Variants in RFX7 observed in about 807,000 individuals in gnomAD.
RFX7 encodes regulatory factor X7, also known as DNA-binding protein RFX7.
In RFX7, 26 loss-of-function variants were observed where a neutral mutation model predicts 111.8. The ratio of observed to expected loss-of-function variants is 0.23; its 90% confidence interval spans 0.17 to 0.32. The LOEUF is 0.32. RFX7 is among the 10% of genes least tolerant of loss of function. The pLI, the probability that RFX7 is intolerant of heterozygous loss-of-function variation, is 1.00. For missense variants in RFX7, 1,573 were observed against 1,772.9 expected, an observed-to-expected ratio of 0.89 and a Z score of 2.02; for synonymous variants, 624 against 624.4, an observed-to-expected ratio of 1.00 and a Z score of 0.01.
At chr15:56,167,588 AGTTT>A (rs2042798122) in intron 3 of RFX7, among the ~76,000 whole-genome samples, 1 of 152,256 alleles carries the variant, frequency 6.6e-6, no homozygotes, top group Non-Finnish European at 1.5e-5. Flanking sequence ...TAAGAAATTT[AGTTT>A]AAGATATGCT....
At position 56,142,804 on chromosome 15, in the gene RFX7, G is replaced by C; in HGVS notation, c.375C>G (p.Pro125=). The C allele has an allele frequency of 6.2e-7, 1 of 1,613,064 alleles. No individual in the cohort carries two copies. Among genetic ancestry groups the C allele is most frequent in the Non-Finnish European group, 8.5e-7 (1 of 1,179,378 alleles). The change falls in exon 5 of 10, where the codon CCC becomes CCG. Residue 125 remains proline, a synonymous_variant. Coordinates refer to ENST00000559447, the MANE Select transcript of RFX7 (RefSeq NM_022841.7). The part of the protein sequence containing the change: ...TLEEHPETSL[P]KQEVYDEYKS... Reference sequence around the variant, plus strand: ...TGTACTCATCATAGACTTCCTGTTTGGGCAGTGAAGTCTCCGGATGTTCCT... The same window carrying C: ...TGTACTCATCATAGACTTCCTGTTTCGGCAGTGAAGTCTCCGGATGTTCCT...
intron 2 of RFX7, among the ~76,000 whole-genome samples, chr15:56,193,965 T>C (rs1254599435): frequency 6.6e-6 from 1 of 152,140 alleles, no homozygotes; most frequent in Non-Finnish European, 1.5e-5. Context: ...AACATTTCCC[T>C]TTATTCAAAT....
intron 2 of RFX7, among the ~76,000 whole-genome samples, chr15:56,187,221 T>C (rs1408113410): frequency 2.0e-5 from 3 of 151,832 alleles, no homozygotes; most frequent in African/African-American, 7.3e-5. Context: ...ATTTTTTTTT[T>C]TTTTTTTTAG....
intron 5 of RFX7, among the ~76,000 whole-genome samples, chr15:56,127,206 T>A (rs1218503925): frequency 6.6e-6 from 1 of 151,906 alleles, no homozygotes; most frequent in African/African-American, 2.4e-5. Flanking sequence ...TTCACAAGTA[T>A]GTGAAAATTA....
intron 3 of RFX7, among the ~76,000 whole-genome samples, chr15:56,173,277 T>A (rs762554623): frequency 5.9e-5 from 9 of 152,216 alleles, no homozygotes; most frequent in Non-Finnish European, 1.2e-4. Context: ...GATCTACAAG[T>A]GGCTGACACA....
chr15:56,210,897 G>C (rs1368484005), intron 2 of RFX7, among the ~76,000 whole-genome samples: 1 of 151,862 alleles, frequency 6.6e-6, no homozygotes, highest in African/African-American at 2.4e-5. Flanking sequence ...GGAAAAGAAG[G>C]CTTAAAAAAG....
At position 56,224,467 on chromosome 15, in the gene RFX7, T is replaced by TTGTGTGTGTGTGTGTGTGTGTG. The variant is rs58795247; in HGVS notation, c.161+18636_161+18657dup. Among the ~76,000 whole-genome samples, 191 of 147,306 alleles carry TTGTGTGTGTGTGTGTGTGTGTG rather than the reference T, an allele frequency of 1.3e-3. 1 individual carries two copies. The East Asian group carries it at 0.019, about 14-fold the overall frequency. ...ACTCTCTTTTGCCAAGATTAGGATT[T>TTGTGTGTGTGTGTGTGTGTGTG]TGTGTGTGTGTGTGTGTGTGTGTGT... On this transcript the variant is annotated intron_variant, in intron 2 of 9. Transcript: ENST00000559447.
rs191244812 is a variant in RFX7, at chr15:56,102,634, A to G, written c.519-381T>C. ...AGCCCAGGGCTCTGGGACAAAAACA[A>G]CTCTTAAGAGTGTCACAAGGGCTTT... On this transcript the variant is annotated intron_variant, in intron 6 of 9. Transcript: ENST00000559447. Among the ~76,000 whole-genome samples, 37 of 152,240 alleles carry G rather than the reference A, an allele frequency of 2.4e-4. No individual in the cohort carries two copies. In the East Asian group the frequency reaches 5.0e-3, roughly 21 times the overall value.
intron 2 of RFX7, among the ~76,000 whole-genome samples, chr15:56,223,750 T>C (rs1164279327): frequency 6.6e-6 from 1 of 152,186 alleles, no homozygotes; most frequent in East Asian, 1.9e-4. Flanking sequence ...TGTAACATCT[T>C]TCAAGACCAT....
chr15:56,237,945 A>C (rs1316255851), intron 2 of RFX7, among the ~76,000 whole-genome samples: 2 of 152,174 alleles, frequency 1.3e-5, no homozygotes, highest in African/African-American at 4.8e-5. Flanking sequence ...GGCTAAACTC[A>C]GGGTAGGTAG....
chr15:56,209,804 A>C (rs1245971501), intron 2 of RFX7, among the ~76,000 whole-genome samples: 1 of 152,060 alleles, frequency 6.6e-6, no homozygotes, highest in Non-Finnish European at 1.5e-5. Context: ...ACACTAAAAA[A>C]CGCAAAGAAA....
intron 3 of RFX7, among the ~76,000 whole-genome samples, chr15:56,148,222 A>C (rs2042512239): frequency 6.6e-6 from 1 of 152,210 alleles, no homozygotes; most frequent in South Asian, 2.1e-4. Flanking sequence ...CATTCCAGGA[A>C]ACAATTTTGG....
chr15:56,103,681 A>C lies in RFX7; in HGVS notation c.402-11T>G. On this transcript the variant is annotated splice_polypyrimidine_tract_variant and intron_variant, in intron 5 of 9. Transcript: ENST00000559447. Reference sequence around the variant, plus strand: ...TTGTCACAATAGCTCCTGCAAAAGAAGGAAGGACCAATTTAGAGTGACAGA... The same window carrying C: ...TTGTCACAATAGCTCCTGCAAAAGACGGAAGGACCAATTTAGAGTGACAGA... 1 of 1,499,560 alleles carries C rather than the reference A, an allele frequency of 6.7e-7. No individual in the cohort carries two copies. Among genetic ancestry groups the C allele is most frequent in the Non-Finnish European group, 9.2e-7 (1 of 1,091,314 alleles). 92.9% of individuals were successfully genotyped at this position (1,499,560 alleles called of 1,614,324 possible). A position where few individuals can be genotyped will look rare whatever the true frequency, so the allele number is the denominator to read the frequency against.
At chr15:56,097,567 A>G (rs2041695828) in intron 9 of RFX7, among the ~76,000 whole-genome samples, 7 of 151,968 alleles carry the variant, frequency 4.6e-5, no homozygotes, top group Admixed American at 4.6e-4. Flanking sequence ...AGCCTGGCCA[A>G]CTAAAAATAC....
chr15:56,171,940 A>G (rs2042849706), intron 3 of RFX7, among the ~76,000 whole-genome samples: 1 of 152,214 alleles, frequency 6.6e-6, no homozygotes, highest in East Asian at 1.9e-4. Context: ...AGATGAGATT[A>G]TTTTGGACAA....
At chr15:56,153,295 G>T (rs909205610) in intron 3 of RFX7, among the ~76,000 whole-genome samples, 1 of 152,146 alleles carries the variant, frequency 6.6e-6, no homozygotes, top group East Asian at 1.9e-4. Context: ...GATGAACATC[G>T]ATGTGAAAAC....
chr15:56,134,170 G>C (rs2042257422), intron 5 of RFX7, among the ~76,000 whole-genome samples: 1 of 152,048 alleles, frequency 6.6e-6, no homozygotes, highest in Non-Finnish European at 1.5e-5. Context: ...TCTTAGATCT[G>C]CCCCTCACTA....
At chr15:56,172,667 C>A (rs2042857990) in intron 3 of RFX7, among the ~76,000 whole-genome samples, 1 of 152,078 alleles carries the variant, frequency 6.6e-6, no homozygotes, top group African/African-American at 2.4e-5. Flanking sequence ...AAGGCAACTT[C>A]CTATTTTCTC....
At chr15:56,140,507 C>T (rs945865053) in intron 5 of RFX7, among the ~76,000 whole-genome samples, 1 of 152,210 alleles carries the variant, frequency 6.6e-6, no homozygotes, top group Non-Finnish European at 1.5e-5. Context: ...CTGACCTGCG[C>T]CCACTGTCTG....
Sources: allele counts gnomAD v4.1 joint callset (sites outside exome capture counted in the v4.1 genomes callset), GRCh38; gene constraint gnomAD v4.1.1; transcripts MANE v1.5; gene names NCBI Gene and HGNC (gene_info 2026-07-23, HGNC 2026-07-21).